ARHGAP15: variants seen among roughly 807,000 people sequenced by gnomAD.
The protein encoded by ARHGAP15 is Rho GTPase activating protein 15, also known as rho GTPase-activating protein 15.
A neutral mutation model predicts 63.7 loss-of-function variants in ARHGAP15; 51 were observed. The ratio of observed to expected loss-of-function variants is 0.80; its 90% CI spans 0.64 to 1.01. ARHGAP15 has a LOEUF of 1.01. Ranked by LOEUF, ARHGAP15 falls within the 50% of genes least tolerant of loss-of-function variation. ARHGAP15 has a pLI of 0.00. For synonymous variants in ARHGAP15, 191 were observed against 193.8 expected (o/e 0.99, Z 0.12); for missense variants, 560 against 564.6 (o/e 0.99, Z 0.08).
intron 10 of ARHGAP15, among the ~76,000 whole-genome samples, chr2:143,540,958 A>G (rs1427945828): frequency 6.6e-6 from 1 of 152,162 alleles, no homozygotes; most frequent in East Asian, 1.9e-4. Context: ...CCTGGATAAT[A>G]TCCTGCAGAG....
At chr2:143,510,492 G>T (rs1242103345) in intron 9 of ARHGAP15, among the ~76,000 whole-genome samples, 2 of 152,200 alleles carry the variant, frequency 1.3e-5, no homozygotes, top group African/African-American at 4.8e-5. Flanking sequence ...TTAGAAGACA[G>T]TCGCTTTTTC....
At chr2:143,163,625 G>A (rs1490069927) in intron 2 of ARHGAP15, among the ~76,000 whole-genome samples, 3 of 151,980 alleles carry the variant, frequency 2.0e-5, no homozygotes, top group Non-Finnish European at 4.4e-5. Context: ...CTTCCAATAT[G>A]TTTCAAGGAC....
intron 8 of ARHGAP15, among the ~76,000 whole-genome samples, chr2:143,463,370 T>C (rs1191201677): frequency 6.6e-6 from 1 of 152,108 alleles, no homozygotes; most frequent in Non-Finnish European, 1.5e-5. Flanking sequence ...GGGGAAACCC[T>C]GTCTCTACTA....
intron 6 of ARHGAP15, among the ~76,000 whole-genome samples, chr2:143,426,827 A>ACAGAT (rs1393688215): frequency 1.3e-5 from 2 of 152,212 alleles, no homozygotes; most frequent in African/African-American, 4.8e-5. Context: ...AGATTAAAGC[A>ACAGAT]CAGATTTTCA....
intron 6 of ARHGAP15, among the ~76,000 whole-genome samples, chr2:143,274,991 T>C (rs1558860155): frequency 6.9e-6 from 1 of 145,098 alleles, no homozygotes; most frequent in Non-Finnish European, 1.5e-5. Flanking sequence ...TGAAACCCCA[T>C]CTCTACTAAA....
chr2:143,492,213 C>T (rs982364384), intron 9 of ARHGAP15, among the ~76,000 whole-genome samples: 1 of 152,076 alleles, frequency 6.6e-6, no homozygotes, highest in Non-Finnish European at 1.5e-5. Flanking sequence ...CAGATACTTA[C>T]AGTCAAATAC....
intron 5 of ARHGAP15, among the ~76,000 whole-genome samples, chr2:143,248,514 C>T (rs1694140362): frequency 6.6e-6 from 1 of 152,214 alleles, no homozygotes; most frequent in African/African-American, 2.4e-5. Flanking sequence ...CTGCTTGGAT[C>T]TAAATCCTGG....
chr2:143,395,144 T>C (rs947999745), intron 6 of ARHGAP15, among the ~76,000 whole-genome samples: 1 of 152,144 alleles, frequency 6.6e-6, no homozygotes, highest in Non-Finnish European at 1.5e-5. Context: ...GTTGTTTACA[T>C]TAAAGGAGCT....
At chr2:143,540,136 G>A (rs1465909233) in intron 10 of ARHGAP15, among the ~76,000 whole-genome samples, 1 of 152,076 alleles carries the variant, frequency 6.6e-6, no homozygotes, top group Non-Finnish European at 1.5e-5. Flanking sequence ...ATTATGTAAT[G>A]GCCTTCTTTG....
chr2:143,262,851 G>A (rs904158539), intron 6 of ARHGAP15, among the ~76,000 whole-genome samples: 16 of 152,008 alleles, frequency 1.1e-4, no homozygotes, highest in African/African-American at 2.4e-4. Context: ...GAACTCTCCC[G>A]TATCCCAAGA....
At chr2:143,203,572 C>G (rs983771419) in intron 3 of ARHGAP15, among the ~76,000 whole-genome samples, 3 of 152,048 alleles carry the variant, frequency 2.0e-5, no homozygotes, top group Non-Finnish European at 4.4e-5. Context: ...CAACAACCAC[C>G]AGTATGCAGT....
intron 10 of ARHGAP15, among the ~76,000 whole-genome samples, chr2:143,538,317 A>G (rs1268587494): frequency 1.3e-5 from 2 of 152,210 alleles, no homozygotes; most frequent in Non-Finnish European, 2.9e-5. Flanking sequence ...CAATCATGTC[A>G]TCTGCAAACA....
chr2:143,414,107 AATAT>A (rs922025947), intron 6 of ARHGAP15, among the ~76,000 whole-genome samples: 2 of 151,488 alleles, frequency 1.3e-5, no homozygotes, highest in Non-Finnish European at 2.9e-5. Flanking sequence ...GGAAACAAAA[AATAT>A]ATATGTATAT....
intron 9 of ARHGAP15, among the ~76,000 whole-genome samples, chr2:143,504,350 G>A (rs988712823): frequency 6.6e-6 from 1 of 152,174 alleles, no homozygotes; most frequent in Non-Finnish European, 1.5e-5. Flanking sequence ...TGTATAAGTT[G>A]TGATTCCATC....
intron 6 of ARHGAP15, among the ~76,000 whole-genome samples, chr2:143,258,328 A>G (rs905927968): frequency 6.6e-6 from 1 of 152,132 alleles, no homozygotes; most frequent in Admixed American, 6.6e-5. Context: ...AGCGGTGAGC[A>G]AAGCTGAAAC....
intron 6 of ARHGAP15, among the ~76,000 whole-genome samples, chr2:143,328,770 C>A (rs779410566): frequency 1.3e-5 from 2 of 152,118 alleles, no homozygotes; most frequent in Admixed American, 6.5e-5. Flanking sequence ...TACTTCATAG[C>A]ACAACCAGCT....
intron 6 of ARHGAP15, among the ~76,000 whole-genome samples, chr2:143,253,780 T>G (rs1327504483): frequency 6.6e-6 from 1 of 151,296 alleles, no homozygotes; most frequent in South Asian, 2.1e-4. Flanking sequence ...AATATACATA[T>G]GTATATATAC....
intron 6 of ARHGAP15, among the ~76,000 whole-genome samples, chr2:143,322,806 A>C (rs888854795): frequency 2.1e-4 from 32 of 152,190 alleles, no homozygotes; most frequent in Non-Finnish European, 2.8e-4. Flanking sequence ...CATGAGTGAA[A>C]TGTTTGTCCT....
intron 1 of ARHGAP15, among the ~76,000 whole-genome samples, chr2:143,153,879 C>CTCCTCCTCT (rs1689971782): frequency 1.6e-4 from 12 of 74,200 alleles, no homozygotes; most frequent in Admixed American, 7.7e-4. Context: ...CCTCTTCCTC[C>CTCCTCCTCT]TCCTCCTCCT....
Sources: gnomAD v4.1 joint callset for allele counts (sites outside exome capture counted in the v4.1 genomes callset) on GRCh38, gnomAD v4.1.1 for gene constraint, MANE v1.5 for transcripts, NCBI Gene and HGNC (gene_info 2026-07-23, HGNC 2026-07-21) for gene names.